The following LRRFIP1 variants were observed in gnomAD, a reference collection of about 807,000 sequenced individuals.
LRRFIP1 encodes LRR binding FLII interacting protein 1.
Under a neutral mutation model 104.4 loss-of-function variants are expected in LRRFIP1, and 62 were observed. The observed-to-expected ratio is 0.59, with a 90% CI of 0.48 to 0.73. The LOEUF (loss-of-function observed/expected upper bound fraction) is 0.73, where lower values mean the gene tolerates loss of function less well. LRRFIP1 is among the 30% of genes least tolerant of loss of function. The pLI is 0.00. For missense variants in LRRFIP1, 796 were observed against 824.5 expected (o/e 0.97, Z 0.42); for synonymous variants, 300 against 299.0 (o/e 1.00, Z -0.03).
chr2:237,652,316 G>T (rs1057078969), intron 1 of LRRFIP1, among the ~76,000 whole-genome samples: 3 of 152,230 alleles, frequency 2.0e-5, no homozygotes, highest in African/African-American at 7.2e-5. Flanking sequence ...GTGTGTCAAT[G>T]ATGTGAACAC....
At chr2:237,775,353 ACAGT>A (rs1055573815) in intron 23 of LRRFIP1, among the ~76,000 whole-genome samples, 24 of 152,326 alleles carry the variant, frequency 1.6e-4, no homozygotes, top group Middle Eastern at 3.4e-3. Flanking sequence ...TTGTCAAGGA[ACAGT>A]CAGAGCGGTG....
chr2:237,692,420 AT>A, intron 1 of LRRFIP1: 1 of 1,484,758 alleles, frequency 6.7e-7, no homozygotes, highest in Non-Finnish European at 9.0e-7. Context: ...GTCCCCGAGC[AT>A]TTCCCGCCGG....
At chr2:237,739,165 C>A in intron 10 of LRRFIP1, 67 bp from the exon 11 acceptor site, 1 of 1,414,632 alleles carries the variant, frequency 7.1e-7, no homozygotes, top group Non-Finnish European at 9.7e-7. Context: ...CTCTATTCTC[C>A]TTGCTCCTTT....
At chr2:237,693,632 G>T (rs537132742) in intron 1 of LRRFIP1, among the ~76,000 whole-genome samples, 1 of 152,178 alleles carries the variant, frequency 6.6e-6, no homozygotes, top group African/African-American at 2.4e-5. Context: ...ATCAGGGAAG[G>T]GTTCTTGAAA....
rs942949486 is a variant in LRRFIP1 at position 237,717,838 on chromosome 2, C to T, written c.249+29C>T. 17 of 1,547,702 alleles carry T rather than the reference C, an allele frequency of 1.1e-5. No individual in the cohort carries two copies. Among genetic ancestry groups the T allele is most frequent in the Non-Finnish European group, 1.4e-5 (16 of 1,119,782 alleles). ...GGCCTTGAATATAATTTTGTTTTTA[C>T]TCTTCCCTCCCCACTTGAATACAGT... On this transcript the variant is annotated intron_variant, in intron 4 of 23. Transcript: ENST00000308482. This position sits in a 1 kb window ranked among gnomAD's most constrained non-coding sequence, Gnocchi z 4.2.
chr2:237,726,686 C>T (rs1029141936), intron 7 of LRRFIP1, among the ~76,000 whole-genome samples: 6 of 152,348 alleles, frequency 3.9e-5, no homozygotes, highest in African/African-American at 1.4e-4. Flanking sequence ...TGCCCAGGAC[C>T]TGATGGCGTC....
At chr2:237,692,043 A>G (rs1575520410) in intron 1 of LRRFIP1, 2 of 255,788 alleles carry the variant, frequency 7.8e-6, no homozygotes, top group Non-Finnish European at 5.1e-6. Flanking sequence ...GGAGCGGCGC[A>G]GGGGGGCGGG....
At chr2:237,687,284 C>T (rs572826801) in intron 1 of LRRFIP1, among the ~76,000 whole-genome samples, 3 of 152,266 alleles carry the variant, frequency 2.0e-5, no homozygotes, top group East Asian at 3.9e-4. Flanking sequence ...ACACGTATAA[C>T]AGATGTGTTT....
chr2:237,725,627 A>G (rs1400352088), intron 7 of LRRFIP1, among the ~76,000 whole-genome samples: 2 of 152,276 alleles, frequency 1.3e-5, no homozygotes, highest in Non-Finnish European at 2.9e-5. Context: ...AATACATTCT[A>G]GGAACATAGC....
chr2:237,644,175 C>A (rs1215505713), intron 1 of LRRFIP1, among the ~76,000 whole-genome samples: 1 of 152,178 alleles, frequency 6.6e-6, no homozygotes, highest in Non-Finnish European at 1.5e-5. Flanking sequence ...CCTCATTGGG[C>A]GTTGTGTGCA....
Position 237,766,225 on chromosome 2 carries a change from T to TA in LRRFIP1, c.1460-3717dup, listed in dbSNP as rs536976197. The stretch of plus-strand genomic sequence containing the variant: ...GGCTGTGCTTACCTGCGCCACTACT[T>TA]ACAGTGTTTTGAAGAGCAGGATGAA... On this transcript the variant is annotated intron_variant, in intron 19 of 23. Coordinates refer to ENST00000308482, the MANE Select transcript of LRRFIP1 (RefSeq NM_001137550.2). This position sits in a 1 kb window ranked among gnomAD's most constrained non-coding sequence, Gnocchi z 4.8. Among the ~76,000 whole-genome samples, 3 of 151,774 alleles carry TA rather than the reference T, an allele frequency of 2.0e-5. No homozygotes were observed. Among genetic ancestry groups the TA allele is most frequent in the Non-Finnish European group, 2.9e-5 (2 of 67,976 alleles).
At chr2:237,732,447 C>G (rs1332394181) in intron 8 of LRRFIP1, among the ~76,000 whole-genome samples, 1 of 152,228 alleles carries the variant, frequency 6.6e-6, no homozygotes, top group Non-Finnish European at 1.5e-5. Flanking sequence ...CGCTCCTTCC[C>G]TTTCCTTCTG....
In LRRFIP1 at chr2:237,753,265, G is replaced by A. The variant is rs201016228; in HGVS notation, c.868-44G>A. 9.5e-6 allele frequency: 14 copies of A among 1,468,650 alleles called. No homozygotes were observed. The East Asian group carries it at 2.2e-4, about 23-fold the overall frequency. 91.0% of individuals were successfully genotyped at this position (1,468,650 alleles called of 1,614,324 possible). ...AGAATACTGAATGATTCTTTGTTTT[G>A]ATTTTTTTATTGCAATTTCAAAAAT... On this transcript the variant is annotated intron_variant, in intron 14 of 23. Coordinates refer to ENST00000308482, the MANE Select transcript of LRRFIP1 (RefSeq NM_001137550.2).
chr2:237,631,451 G>T (rs2149243994), intron 1 of LRRFIP1, among the ~76,000 whole-genome samples: 1 of 152,322 alleles, frequency 6.6e-6, no homozygotes, highest in Middle Eastern at 3.4e-3. Flanking sequence ...ATAGTAAAGG[G>T]AGTTATTTGC....
intron 19 of LRRFIP1, chr2:237,764,102 G>A (rs1235121670): frequency 6.2e-7 from 1 of 1,614,238 alleles, no homozygotes; most frequent in Non-Finnish European, 8.5e-7. Context: ...AGGAGGGAAT[G>A]AGAAGGGCAA....
At chr2:237,729,713 TG>T (rs2094918856) in intron 8 of LRRFIP1, 2 of 756,428 alleles carry the variant, frequency 2.6e-6, no homozygotes, top group South Asian at 6.0e-5. Flanking sequence ...TTGAATGGGA[TG>T]GGGGTGCTTT....
intron 3 of LRRFIP1, among the ~76,000 whole-genome samples, chr2:237,715,962 G>A (rs1256157865): frequency 1.3e-5 from 2 of 152,162 alleles, no homozygotes; most frequent in African/African-American, 4.8e-5. Flanking sequence ...CCATGAACGA[G>A]GTGAAAGATT....
intron 6 of LRRFIP1, among the ~76,000 whole-genome samples, chr2:237,722,515 A>G (rs1455656767): frequency 3.3e-5 from 5 of 152,278 alleles, no homozygotes; most frequent in South Asian, 4.1e-4. Flanking sequence ...TCTGCTGGAC[A>G]CCACTCTTTG....
intron 17 of LRRFIP1, among the ~76,000 whole-genome samples, 174 bp downstream of exon 17, chr2:237,757,722 AT>A (rs1386479992): frequency 6.6e-6 from 1 of 152,162 alleles, no homozygotes; most frequent in African/African-American, 2.4e-5. Context: ...ACACTAACTT[AT>A]CCAAATTGAT....
Sources: allele counts gnomAD v4.1 joint callset (sites outside exome capture counted in the v4.1 genomes callset), GRCh38; gene constraint gnomAD v4.1.1; non-coding constraint Gnocchi (gnomAD v3.1); transcripts MANE v1.5; gene names NCBI Gene and HGNC (gene_info 2026-07-23, HGNC 2026-07-21).